Variants in RELN observed in about 807,000 individuals in gnomAD.
RELN encodes reelin.
RELN carries 108 observed loss-of-function variants against 427.6 expected under a neutral mutation model. That is an observed-to-expected ratio of 0.25 (90% confidence interval 0.22 to 0.30). RELN has a LOEUF of 0.30. Among genes scored for constraint, RELN ranks in the 10% least tolerant of loss-of-function variants. The probability of loss-of-function intolerance (pLI) is 1.00; values close to 1 mark genes in which losing one functional copy is unlikely to be tolerated. For synonymous variants in RELN, 1,524 were observed against 1,513.4 expected (o/e 1.01, Z -0.16); for missense variants, 3,715 against 4,302.8 (o/e 0.86, Z 3.82).
At chr7:103,753,376 A>C (rs1478048379) in intron 4 of RELN, among the ~76,000 whole-genome samples, 162 bp from the exon 5 acceptor site, 1 of 152,250 alleles carries the variant, frequency 6.6e-6, no homozygotes, top group African/African-American at 2.4e-5. Flanking sequence ...CCTTGAAAAA[A>C]TAGAAGACAA....
intron 2 of RELN, among the ~76,000 whole-genome samples, chr7:103,909,375 C>G (rs1472687599): frequency 1.3e-5 from 2 of 151,578 alleles, no homozygotes; most frequent in Non-Finnish European, 2.9e-5. Flanking sequence ...AAAACTTCAT[C>G]CTGGCAATGA....
At chr7:103,496,183 C>T (rs996463092) in intron 56 of RELN, among the ~76,000 whole-genome samples, 8 of 102,114 alleles carry the variant, frequency 7.8e-5, no homozygotes, top group African/African-American at 2.7e-4. Flanking sequence ...AACCTAGCAC[C>T]GAAAAGTTCT....
intron 16 of RELN, among the ~76,000 whole-genome samples, chr7:103,649,050 A>G (rs957344492): frequency 1.3e-5 from 2 of 152,084 alleles, no homozygotes; most frequent in African/African-American, 4.8e-5. Flanking sequence ...AATGAAAACT[A>G]GAACTACCAT....
intron 11 of RELN, among the ~76,000 whole-genome samples, chr7:103,679,730 A>T (rs916789588): frequency 1.3e-5 from 2 of 151,798 alleles, no homozygotes; most frequent in African/African-American, 4.8e-5. Flanking sequence ...TGATCGATTT[A>T]GTTGTAGCCA....
At chr7:103,490,961 TATA>T (rs757578155) in intron 58 of RELN, 132 bp from the exon 59 acceptor site, 8 of 797,216 alleles carry the variant, frequency 1.0e-5, no homozygotes, top group Non-Finnish European at 8.0e-6. Context: ...TATAAACATT[TATA>T]ATTACAGATT....
rs371614773 is a variant in RELN at position 103,551,263 on chromosome 7, C to T, written c.6106G>A (p.Ala2036Thr). The change falls in exon 41 of 65, where the codon GCG becomes ACG. Residue 2036 changes from alanine to threonine, a missense_variant. Around this residue, in one of 4 missense-constraint regions of RELN, gnomAD observed 1,310 missense variants for 1,643.0 expected, o/e 0.80. Transcript: ENST00000428762. ...NVGCSTDSSS[A>T]DPVRLEFSRD... The stretch of plus-strand genomic sequence containing the variant: ...GAAAATTCCAGTCTCACTGGATCCG[C>T]GGATGAGCTATCAGTCGAACAGCCA... 8.3e-5 allele frequency: 134 copies of T among 1,613,746 alleles called. No homozygotes were observed. Among genetic ancestry groups the T allele is most frequent in the Non-Finnish European group, 1.1e-4 (132 of 1,180,004 alleles).
intron 6 of RELN, among the ~76,000 whole-genome samples, chr7:103,746,238 C>T (rs1790826756): frequency 6.6e-6 from 1 of 152,130 alleles, no homozygotes; most frequent in South Asian, 2.1e-4. Context: ...AACTGGATCC[C>T]TTCCTTACAT....
chr7:103,983,209 T>C (rs1164949795), intron 1 of RELN, among the ~76,000 whole-genome samples: 1 of 152,098 alleles, frequency 6.6e-6, no homozygotes, highest in Admixed American at 6.6e-5. Flanking sequence ...CACACACACA[T>C]CCTCAAATAC....
chr7:103,929,068 G>C (rs144719877), intron 1 of RELN, among the ~76,000 whole-genome samples: 4 of 152,336 alleles, frequency 2.6e-5, no homozygotes, highest in East Asian at 1.9e-4. Context: ...CTGGATGCCA[G>C]GGTGCAACCT....
intron 1 of RELN, among the ~76,000 whole-genome samples, chr7:103,970,085 G>C (rs1414291862): frequency 6.6e-6 from 1 of 151,864 alleles, no homozygotes; most frequent in Middle Eastern, 3.2e-3. Flanking sequence ...GGTCAAACAA[G>C]GCTGCCTTCT....
chr7:103,594,192 T>A (rs1831485244), intron 26 of RELN, 129 bp downstream of exon 26: 1 of 1,000,434 alleles, frequency 1.0e-6, no homozygotes, highest in Admixed American at 1.7e-5. Context: ...TAACAAAAAA[T>A]TAAGTACAAG....
intron 3 of RELN, 62 bp from the exon 4 acceptor site, chr7:103,776,689 T>G (rs1176434574): frequency 6.6e-7 from 1 of 1,511,638 alleles, no homozygotes; most frequent in African/African-American, 1.4e-5. Flanking sequence ...AAATGTATGT[T>G]TAAAACTTTT....
intron 42 of RELN, among the ~76,000 whole-genome samples, chr7:103,544,001 TAA>T (rs1447072193): frequency 6.6e-6 from 1 of 152,172 alleles, no homozygotes; most frequent in Non-Finnish European, 1.5e-5. Flanking sequence ...GAATATTTCA[TAA>T]AGACAGATTG....
intron 1 of RELN, among the ~76,000 whole-genome samples, chr7:103,919,645 C>T (rs10265702): frequency 0.063 from 9,599 of 152,082 alleles, 832 homozygotes; most frequent in African/African-American, 0.19. Flanking sequence ...ACTCCACACG[C>T]GCACCAGCTC....
Position 103,911,189 on chromosome 7 carries a change from C to T in RELN, c.337+5886G>A, listed in dbSNP as rs202045960. On this transcript the variant is annotated intron_variant, in intron 2 of 64. Coordinates refer to ENST00000428762, the MANE Select transcript of RELN (RefSeq NM_005045.4). ...ACAAACAACCCCATCAAAAAGTGGG[C>T]GAAGAGCATGAACAGACACTTCTCA... Among the ~76,000 whole-genome samples, 113 of 131,454 alleles carry T rather than the reference C, an allele frequency of 8.6e-4. 5 individuals are homozygous for T. The highest frequency in any genetic ancestry group is 2.7e-3 in the African/African-American group (77 of 28,720). The allele number at this position is 131,454 out of a possible 152,430, so 86.2% of individuals were successfully genotyped here.
intron 20 of RELN, among the ~76,000 whole-genome samples, chr7:103,622,380 C>A (rs748641410): frequency 1.1e-4 from 17 of 152,162 alleles, no homozygotes; most frequent in Non-Finnish European, 1.9e-4. Context: ...TAAGAACATG[C>A]AGATGACATT....
intron 46 of RELN, among the ~76,000 whole-genome samples, chr7:103,531,088 T>C (rs1163877931): frequency 2.2e-4 from 34 of 152,220 alleles, no homozygotes; most frequent in Admixed American, 2.2e-3. Flanking sequence ...ACAAGTGTGA[T>C]TATGTGGTTA....
At chr7:103,722,959 A>C (rs1214306979) in intron 8 of RELN, among the ~76,000 whole-genome samples, 181 bp downstream of exon 8, 1 of 152,194 alleles carries the variant, frequency 6.6e-6, no homozygotes, top group Non-Finnish European at 1.5e-5. Flanking sequence ...AGAAGTGAGA[A>C]CAGAATGTAA....
At chr7:103,867,248 C>T (rs982256382) in intron 2 of RELN, among the ~76,000 whole-genome samples, 14 of 151,854 alleles carry the variant, frequency 9.2e-5, no homozygotes, top group African/African-American at 3.1e-4. Flanking sequence ...GCAGTCAAAC[C>T]GTGAAACAGT....
Sources: allele counts gnomAD v4.1 joint callset (sites outside exome capture counted in the v4.1 genomes callset), GRCh38; gene constraint gnomAD v4.1.1; regional missense constraint gnomAD v4.1.1; transcripts MANE v1.5; gene names NCBI Gene and HGNC (gene_info 2026-07-23, HGNC 2026-07-21).